Variants in RMC1 observed in about 807,000 individuals in gnomAD.
The protein encoded by RMC1 is regulator of MON1-CCZ1 complex.
In RMC1, 44 loss-of-function variants were observed where a neutral mutation model predicts 95.5. That is an observed-to-expected ratio of 0.46 (90% confidence interval 0.36 to 0.59). RMC1 has a LOEUF of 0.59. RMC1 is among the 20% of genes least tolerant of loss of function. The pLI, the probability that RMC1 is intolerant of heterozygous loss-of-function variation, is 0.00. For missense variants in RMC1, 705 were observed against 819.6 expected, an observed-to-expected ratio of 0.86 and a Z score of 1.71; for synonymous variants, 320 against 303.6, an observed-to-expected ratio of 1.05 and a Z score of -0.56.
intron 10 of RMC1, chr18:23,522,929 C>A (rs1218586017): frequency 6.6e-6 from 1 of 152,278 alleles, no homozygotes; most frequent in Non-Finnish European, 1.5e-5. Flanking sequence ...ATATAACCAG[C>A]ACTTTTGGGA....
At position 23,503,734 on chromosome 18, in the gene RMC1, G is replaced by A. The variant is rs763944761; in HGVS notation, c.102+14G>A. On this transcript the variant is annotated intron_variant, in intron 1 of 19. Coordinates refer to ENST00000269221, the MANE Select transcript of RMC1 (RefSeq NM_013326.5). ...GCCAACAAGCAGGTCCGGCGCGCCC[G>A]CGCTTCCTCCCCCGCGCGGCCCTGC... 6.3e-6 allele frequency: 10 copies of A among 1,582,500 alleles called. No homozygotes were observed. The highest frequency in any genetic ancestry group is 8.6e-6 in the Non-Finnish European group (10 of 1,165,682).
chr18:23,512,163 G>C (rs902524871), intron 5 of RMC1, among the ~76,000 whole-genome samples: 1 of 151,826 alleles, frequency 6.6e-6, no homozygotes, highest in Non-Finnish European at 1.5e-5. Context: ...TGGGTCTACA[G>C]GCGCCCAGCA....
chr18:23,529,609 G>GT (rs767071478), intron 15 of RMC1, 26 bp from the exon 16 acceptor site: 1 of 1,600,462 alleles, frequency 6.2e-7, no homozygotes, highest in Non-Finnish European at 8.6e-7. Context: ...GTTGGTATTT[G>GT]TAAGACCACA....
At position 23,527,836 on chromosome 18, in the gene RMC1, ACT is replaced by A; in HGVS notation, c.1232_1233del (p.Thr411SerfsTer3). The A allele has an allele frequency of 6.2e-7, 1 of 1,614,058 alleles. No individual in the cohort carries two copies. The highest frequency in any genetic ancestry group is 8.5e-7 in the Non-Finnish European group (1 of 1,180,004). ...SDRASLPVIA[T>X]VFDKLNHEYK... ...CAGAGCATCGCTGCCCGTGATAGCCACTGTTTTTGATAAACTCAACCATGAGT... is the reference window on the plus strand; with the variant it reads ...CAGAGCATCGCTGCCCGTGATAGCCAGTTTTTGATAAACTCAACCATGAGT... On this transcript the variant is annotated frameshift_variant, in exon 14 of 20. Coordinates refer to ENST00000269221, the MANE Select transcript of RMC1 (RefSeq NM_013326.5). LOFTEE classifies it high-confidence loss of function.
In RMC1 at chr18:23,526,604, A is replaced by G. The variant is rs746653219; in HGVS notation, c.1061-33A>G. 13 of 1,610,490 alleles carry G rather than the reference A, an allele frequency of 8.1e-6. No homozygotes were observed. The Admixed American group carries it at 2.0e-4, about 25-fold the overall frequency. ...TTGGGCTTTTGTTACGGTTTGCATCATACTGTTTTATTTGCTGCCTCTTAA... is the reference window on the plus strand; with the variant it reads ...TTGGGCTTTTGTTACGGTTTGCATCGTACTGTTTTATTTGCTGCCTCTTAA... On this transcript the variant is annotated intron_variant, in intron 12 of 19. Transcript: ENST00000269221.
chr18:23,509,337 C>G (rs533183865), intron 5 of RMC1, 58 bp downstream of exon 5: 1 of 767,306 alleles, frequency 1.3e-6, no homozygotes. Context: ...ATTCTGGCAG[C>G]CTTTTGAATT....
intron 5 of RMC1, among the ~76,000 whole-genome samples, chr18:23,511,959 T>C (rs1395511777): frequency 2.6e-5 from 4 of 151,994 alleles, no homozygotes; most frequent in Non-Finnish European, 4.4e-5. Flanking sequence ...TTCATACCTT[T>C]AGGAGGACTG....
At chr18:23,527,672 TC>T in intron 13 of RMC1, 122 bp from the exon 14 acceptor site, 1 of 758,836 alleles carries the variant, frequency 1.3e-6, no homozygotes, top group South Asian at 1.4e-5. Flanking sequence ...AAGTAGAGTG[TC>T]CTTTAAAGGT....
chr18:23,510,332 A>T (rs1479979730), intron 5 of RMC1, among the ~76,000 whole-genome samples: 1 of 151,914 alleles, frequency 6.6e-6, no homozygotes, highest in Non-Finnish European at 1.5e-5. Context: ...CAAAAAAAAA[A>T]ACAAAAACAC....
At chr18:23,526,583 G>T in intron 12 of RMC1, 54 bp from the exon 13 acceptor site, 2 of 1,588,676 alleles carry the variant, frequency 1.3e-6, no homozygotes, top group Non-Finnish European at 1.7e-6. Context: ...CCACTTTTGG[G>T]CTTTTGTTAC....
chr18:23,508,072 G>A (rs2057758015), intron 4 of RMC1, 31 bp downstream of exon 4: 2 of 1,587,050 alleles, frequency 1.3e-6, no homozygotes, highest in Admixed American at 3.5e-5. Flanking sequence ...TCAGCTGCTG[G>A]TGTCAGTGGT....
At chr18:23,506,022 C>T (rs2057705432) in intron 2 of RMC1, among the ~76,000 whole-genome samples, 1 of 151,886 alleles carries the variant, frequency 6.6e-6, no homozygotes, top group African/African-American at 2.4e-5. Flanking sequence ...CAAAAATTAG[C>T]CAGGTGTGGT....
chr18:23,503,567 C>T lies in RMC1; in HGVS notation c.-52C>T. On this transcript the variant is annotated 5_prime_UTR_variant, in exon 1 of 20. Coordinates refer to ENST00000269221, the MANE Select transcript of RMC1 (RefSeq NM_013326.5). The stretch of plus-strand genomic sequence containing the variant: ...GGGCCGGGCTCCACCGCGCATCCTG[C>T]TCCACTCTGGCGACCGCCCCCGGGG... 1.4e-6 allele frequency: 2 copies of T among 1,398,384 alleles called. No individual in the cohort carries two copies. The highest frequency in any genetic ancestry group is 1.9e-6 in the Non-Finnish European group (2 of 1,030,708). 86.6% of individuals were successfully genotyped at this position (1,398,384 alleles called of 1,614,324 possible).
At chr18:23,504,592 G>A in intron 2 of RMC1, 145 bp downstream of exon 2, 4 of 665,368 alleles carry the variant, frequency 6.0e-6, no homozygotes, top group Non-Finnish European at 1.0e-5. Flanking sequence ...CTGTCTGTAG[G>A]GAGGGTCTTC....
rs1012739717 is a variant in RMC1, at chr18:23,520,322, G to C, written c.961+9G>C. 4 of 1,603,714 alleles carry C rather than the reference G, an allele frequency of 2.5e-6. No individual in the cohort carries two copies. On this transcript the variant is annotated intron_variant, in intron 10 of 19. Transcript: ENST00000269221. ...TCAGATCCCCATCACAGGTAACACG[G>C]GTTCTGTAGAGGAGTCTGTGCTGCC...
intron 2 of RMC1, chr18:23,506,753 C>G (rs903013088): frequency 2.3e-6 from 1 of 430,242 alleles, no homozygotes; most frequent in Non-Finnish European, 4.2e-6. Flanking sequence ...TCTTCAATCA[C>G]TTGTTACCCA....
chr18:23,515,913 T>C lies in RMC1; in HGVS notation c.466T>C (p.Trp156Arg). 1 of 1,614,136 alleles carries C rather than the reference T, an allele frequency of 6.2e-7. No individual in the cohort carries two copies. The highest frequency in any genetic ancestry group is 1.1e-5 in the South Asian group (1 of 91,078). Residue 156 changes from tryptophan to arginine, a missense_variant, in exon 6 of 20, where the codon TGG becomes CGG. By Grantham distance (101) the Trp-to-Arg change is moderately radical (BLOSUM62 -3). Transcript: ENST00000269221. ...GAAGAGCCACAATCTCAATGTGAAT[T>C]GGTACATGTACTGCCCCGAGAGCGC... is the stretch of plus-strand genomic sequence containing the variant. ...LLKSHNLNVN[W>R]YMYCPESAVI...
rs575716205 is a variant in RMC1 at position 23,510,445 on chromosome 18, C to T, written c.408+1166C>T. ...GGCAGATCACCTGAGGTCAGGAGTT[C>T]GAGACCAGCATGGCCAACATGACGA... On this transcript the variant is annotated intron_variant, in intron 5 of 19. Transcript: ENST00000269221. 6.6e-5 allele frequency among the ~76,000 whole-genome samples: 10 copies of T among 151,902 alleles called. No homozygotes were observed. The East Asian group carries it at 1.6e-3, about 24-fold the overall frequency.
rs1033185267 is a variant in RMC1, at chr18:23,529,246, T to C, written c.1364T>C (p.Leu455Pro). The change falls in exon 15 of 20, where the codon CTG (leucine) becomes CCG (proline). Residue 455 changes from leucine (L) to proline (P), a missense_variant. Coordinates refer to ENST00000269221, the MANE Select transcript of RMC1 (RefSeq NM_013326.5). ...LKRPVRTQAV[L>P]DQSDVYTHVL... is the part of the protein sequence containing the mutation. ...AGGCCGGTGCGGACCCAGGCGGTGC[T>C]GGACCAGTCAGATGTGTACACCCAT... 32 of 1,613,990 alleles carry C rather than the reference T, an allele frequency of 2.0e-5. No homozygotes were observed. Among genetic ancestry groups the C allele is most frequent in the Non-Finnish European group, 2.6e-5 (31 of 1,180,048 alleles).
Sources: allele counts gnomAD v4.1 joint callset (sites outside exome capture counted in the v4.1 genomes callset), GRCh38; gene constraint gnomAD v4.1.1; transcripts MANE v1.5; gene names NCBI Gene and HGNC (gene_info 2026-07-23, HGNC 2026-07-21).